The following MID1 variants were observed in gnomAD, a reference collection of about 807,000 sequenced individuals.
MID1 encodes the protein E3 ubiquitin-protein ligase Midline-1.
In MID1, 7 loss-of-function variants were observed where a neutral mutation model predicts 40.4. That is an observed-to-expected ratio of 0.17 (90% CI 0.10 to 0.33). The LOEUF (loss-of-function observed/expected upper bound fraction) is 0.33, where lower values mean the gene tolerates loss of function less well. MID1 is among the 10% of genes least tolerant of loss of function. The pLI is 1.00. For missense variants in MID1, 367 were observed against 558.5 expected, an observed-to-expected ratio of 0.66 and a Z score of 3.46; for synonymous variants, 229 against 221.2, an observed-to-expected ratio of 1.04 and a Z score of -0.31.
At chrX:10,523,232 A>C in intron 2 of MID1, 45 bp from the exon 3 acceptor site, 1 of 926,576 alleles carries the variant, frequency 1.1e-6, no homozygotes, top group Non-Finnish European at 1.5e-6. Flanking sequence ...TATTCTGCAT[A>C]CTTTTATACT....
At chrX:10,619,641 G>A (rs761995022) in intron 1 of MID1, among the ~76,000 whole-genome samples, 9 of 112,666 alleles carry the variant, frequency 8.0e-5, no homozygotes, top group Non-Finnish European at 1.5e-4. Flanking sequence ...AGAAGAAGCT[G>A]TTGGTTTAGA....
intron 2 of MID1, among the ~76,000 whole-genome samples, chrX:10,543,448 T>C (rs997097378): frequency 4.5e-5 from 5 of 111,919 alleles, no homozygotes; most frequent in African/African-American, 1.6e-4. Flanking sequence ...CTACCATTTA[T>C]TGAACACATA....
At chrX:10,827,471 CAG>C (rs58413595) in intron 1 of MID1, among the ~76,000 whole-genome samples, 2,671 of 84,483 alleles carry the variant, frequency 0.032, 147 homozygotes, top group African/African-American at 0.1. Context: ...GCCCACCAGC[CAG>C]AGAGAGAGAG....
intron 1 of MID1, among the ~76,000 whole-genome samples, chrX:10,733,161 C>T (rs970605016): frequency 2.7e-5 from 3 of 111,523 alleles, no homozygotes; most frequent in South Asian, 3.7e-4. Flanking sequence ...CGCGCCCGGC[C>T]GGTAAGTTGA....
intron 1 of MID1, among the ~76,000 whole-genome samples, chrX:10,770,414 T>A (rs1489121097): frequency 1.8e-5 from 2 of 112,168 alleles, no homozygotes; most frequent in African/African-American, 6.5e-5. Context: ...GGGAGGGGAC[T>A]GAGGTCATTT....
intron 1 of MID1, among the ~76,000 whole-genome samples, chrX:10,732,747 A>G (rs974758183): frequency 3.6e-5 from 4 of 112,295 alleles, no homozygotes; most frequent in Non-Finnish European, 7.5e-5. Context: ...ATAACATGAC[A>G]GTAGCTGACA....
At chrX:10,576,842 C>T (rs1295439235) in intron 1 of MID1, 1 of 109,730 alleles carries the variant, frequency 9.1e-6, no homozygotes, top group African/African-American at 3.3e-5. Flanking sequence ...AGGATGGGGA[C>T]CCACGAAATG....
At chrX:10,450,464 T>G (rs2076218911) in intron 9 of MID1, among the ~76,000 whole-genome samples, 1 of 112,109 alleles carries the variant, frequency 8.9e-6, no homozygotes, top group Non-Finnish European at 1.9e-5. Flanking sequence ...AGAATACATG[T>G]TAAGTCCCAG....
At chrX:10,557,626 G>T (rs1286758747) in intron 2 of MID1, among the ~76,000 whole-genome samples, 5 of 112,165 alleles carry the variant, frequency 4.5e-5, no homozygotes, top group Non-Finnish European at 9.4e-5. Context: ...CTCCAAGGTT[G>T]CTTCTGGCTC....
intron 6 of MID1, among the ~76,000 whole-genome samples, chrX:10,474,235 A>T (rs1170997066): frequency 1.8e-5 from 2 of 112,020 alleles, no homozygotes; most frequent in Admixed American, 1.9e-4. Context: ...TCACAAATAC[A>T]AGGAGATGAA....
At position 10,774,940 on chromosome X, in the gene MID1, C is replaced by T. The variant is rs764472399; in HGVS notation, c.-187+58614G>A. Reference sequence around the variant, plus strand: ...TTTCTTTGATAAAGTGATTCTAACTCCTCTTCTGTTTGATGTGGATAATCT... The same window carrying T: ...TTTCTTTGATAAAGTGATTCTAACTTCTCTTCTGTTTGATGTGGATAATCT... On this transcript the variant is annotated intron_variant, in intron 1 of 10. Transcript: ENST00000380785. 2.7e-5 allele frequency among the ~76,000 whole-genome samples: 3 copies of T among 111,330 alleles called. No homozygotes were observed. In the South Asian group the frequency reaches 1.1e-3, roughly 42 times the overall value.
intron 1 of MID1, among the ~76,000 whole-genome samples, 187 bp downstream of exon 1, chrX:10,620,103 G>C (rs1052261102): frequency 6.2e-5 from 7 of 112,360 alleles, no homozygotes; most frequent in Non-Finnish European, 5.6e-5. Flanking sequence ...GCGAGGACCA[G>C]ACCGGGGTGG....
intron 1 of MID1, among the ~76,000 whole-genome samples, chrX:10,594,146 A>C (rs1324408667): frequency 8.9e-6 from 1 of 111,801 alleles, no homozygotes. Context: ...ATCTGTGTGT[A>C]TATATATTTA....
chrX:10,569,940 C>T (rs1016382634), intron 1 of MID1, among the ~76,000 whole-genome samples: 3 of 111,986 alleles, frequency 2.7e-5, no homozygotes, highest in Non-Finnish European at 5.6e-5. Context: ...TAAGACCTTT[C>T]TAAATGGTCT....
At chrX:10,488,972 T>C (rs1040896301) in intron 4 of MID1, among the ~76,000 whole-genome samples, 8 of 110,861 alleles carry the variant, frequency 7.2e-5, no homozygotes, top group Non-Finnish European at 1.5e-4. Context: ...CTCCTCTCTC[T>C]CTATATATAT....
chrX:10,716,847 C>T (rs990311765), intron 1 of MID1, among the ~76,000 whole-genome samples: 1 of 111,910 alleles, frequency 8.9e-6, no homozygotes, highest in African/African-American at 3.3e-5. Flanking sequence ...GCTGATCTCT[C>T]GGCAGAAACT....
chrX:10,542,419 G>C (rs1933508250), intron 2 of MID1, among the ~76,000 whole-genome samples: 1 of 111,977 alleles, frequency 8.9e-6, no homozygotes, highest in African/African-American at 3.2e-5. Flanking sequence ...AGGTCTGCCA[G>C]TTGTAAGAAA....
rs753816951 is a variant in MID1, at chrX:10,694,532, T to G, written c.-186-74113A>C. Among the ~76,000 whole-genome samples, 9 of 112,089 alleles carry G rather than the reference T, an allele frequency of 8.0e-5. No individual in the cohort carries two copies. The South Asian group carries it at 3.0e-3, about 37-fold the overall frequency. On this transcript the variant is annotated intron_variant, in intron 1 of 10. Coordinates refer to the MID1 transcript ENST00000380785. ...CCTAAGAGTGTAGGGGAAAAGTTTT[T>G]CCTCTCCAACCATTTTTTTCCAGAG...
At chrX:10,670,302 T>TA (rs2042979651) in intron 1 of MID1, among the ~76,000 whole-genome samples, 1 of 112,154 alleles carries the variant, frequency 8.9e-6, no homozygotes, top group Admixed American at 9.5e-5. Flanking sequence ...TTCCTTTCAG[T>TA]AATATCTCTT....
Sources: allele counts gnomAD v4.1 joint callset (sites outside exome capture counted in the v4.1 genomes callset), GRCh38; gene constraint gnomAD v4.1.1; transcripts MANE v1.5; gene names NCBI Gene and HGNC (gene_info 2026-07-23, HGNC 2026-07-21).